The following PUM2 variants were observed in gnomAD, a reference collection of about 807,000 sequenced individuals.
PUM2 encodes pumilio homolog 2.
PUM2 carries 57 observed loss-of-function variants against 124.5 expected under a neutral mutation model. The observed-to-expected ratio is 0.46, with a 90% CI of 0.37 to 0.57. The LOEUF (loss-of-function observed/expected upper bound fraction) is 0.57. PUM2 is among the 20% of genes least tolerant of loss of function. The pLI is 0.00. For synonymous variants in PUM2, 460 were observed against 446.1 expected, an observed-to-expected ratio of 1.03 and a Z score of -0.39; for missense variants, 1,065 against 1,290.6, an observed-to-expected ratio of 0.83 and a Z score of 2.68.
chr2:20,351,054 G>T (rs987491805), upstream of PUM2, among the ~76,000 whole-genome samples: 3 of 152,156 alleles, frequency 2.0e-5, no homozygotes, highest in Non-Finnish European at 2.9e-5. Context: ...CACCTTGCGG[G>T]CTCGCGCTTC....
At chr2:20,330,852 T>C (rs1684758337) in intron 1 of PUM2, among the ~76,000 whole-genome samples, 1 of 152,186 alleles carries the variant, frequency 6.6e-6, no homozygotes, top group African/African-American at 2.4e-5. Flanking sequence ...GCCCTCAATC[T>C]GTGTGTGAGA....
chr2:20,271,800 A>G (rs984004296), intron 13 of PUM2, among the ~76,000 whole-genome samples: 3 of 152,230 alleles, frequency 2.0e-5, no homozygotes, highest in Admixed American at 2.0e-4. Context: ...TTTTATAAAA[A>G]GTTTACAAAG....
chr2:20,342,425 G>A (rs1345555191), intron 1 of PUM2, among the ~76,000 whole-genome samples: 1 of 151,128 alleles, frequency 6.6e-6, no homozygotes, highest in Non-Finnish European at 1.5e-5. Context: ...TCTGTTACTG[G>A]CTCCAAGAAA....
chr2:20,326,333 C>A (rs942552791), intron 2 of PUM2: 1 of 1,304,108 alleles, frequency 7.7e-7, no homozygotes, highest in Admixed American at 2.3e-5. Flanking sequence ...GGTTAGCTAG[C>A]TGCAGGGTGC....
intron 20 of PUM2, among the ~76,000 whole-genome samples, chr2:20,252,406 TGAAAGAAAAA>T (rs1197652631): frequency 6.6e-6 from 1 of 152,090 alleles, no homozygotes; most frequent in African/African-American, 2.4e-5. Flanking sequence ...GACCCTGTCT[TGAAAGAAAAA>T]GAAAGGAAAA....
intron 1 of PUM2, among the ~76,000 whole-genome samples, chr2:20,342,683 G>A (rs911845449): frequency 4.6e-5 from 7 of 152,144 alleles, no homozygotes; most frequent in African/African-American, 1.7e-4. Flanking sequence ...TATGACTTAT[G>A]AATAGTCTAA....
intron 10 of PUM2, among the ~76,000 whole-genome samples, chr2:20,286,424 A>G (rs1450167722): frequency 6.6e-6 from 1 of 152,242 alleles, no homozygotes. Flanking sequence ...TCTATTTATG[A>G]TAAAGATGGA....
chr2:20,335,937 A>G (rs1270197901), intron 1 of PUM2, among the ~76,000 whole-genome samples: 1 of 152,214 alleles, frequency 6.6e-6, no homozygotes, highest in African/African-American at 2.4e-5. Context: ...GGTCCTTACA[A>G]AAGTTTCTCC....
chr2:20,308,022 T>C lies in PUM2; in HGVS notation c.839A>G (p.Gln280Arg). 2 of 1,612,898 alleles carry C rather than the reference T, an allele frequency of 1.2e-6. No individual in the cohort carries two copies. The highest frequency in any genetic ancestry group is 1.7e-6 in the Non-Finnish European group (2 of 1,178,874). ...ALTVQQLTAA[Q>R]QQQYALAAAQ... ...TGCTGCTAATGCATATTGCTGCTGT[T>C]GAGCTGCAGTTAACTGTTGAACTGT... The change falls in exon 7 of 21, where the codon CAA becomes CGA. Residue 280 changes from glutamine to arginine, a missense_variant. Physicochemically the swap from Gln to Arg is conservative, Grantham distance 43. Coordinates refer to ENST00000361078, the MANE Select transcript of PUM2 (RefSeq NM_015317.5).
In PUM2 at chr2:20,263,443, T is replaced by G; in HGVS notation, c.1975A>C (p.Ser659Arg). The G allele has an allele frequency of 6.2e-7, 1 of 1,611,494 alleles. No individual in the cohort carries two copies. The highest frequency in any genetic ancestry group is 8.5e-7 in the Non-Finnish European group (1 of 1,177,694). ...GGTGCTGCAGAGATATATCGACCAC[T>G]ACCATTTGTCAGTCCTCCTACAACA... ...SLHLGGLTNG[S>R]GRYISAAPGA... Residue 659 changes from serine (S) to arginine (R), a missense_variant, in exon 14 of 21, where the codon AGT becomes CGT. By Grantham distance (110) the Ser-to-Arg change is moderately radical. This residue lies in a region of PUM2 where 968 missense variants were observed against 1,159.8 expected (regional missense o/e 0.83). Transcript: ENST00000361078.
At chr2:20,278,489 C>T (rs1415915972) in intron 13 of PUM2, 94 bp downstream of exon 13, 1 of 1,093,238 alleles carries the variant, frequency 9.1e-7, no homozygotes, top group Non-Finnish European at 1.3e-6. Context: ...CATGTTTTAA[C>T]CAACATTAAA....
At chr2:20,294,174 G>T (rs1170911758) in intron 9 of PUM2, among the ~76,000 whole-genome samples, 4 of 152,098 alleles carry the variant, frequency 2.6e-5, no homozygotes. Context: ...CACAGAAACT[G>T]AATATAACCA....
chr2:20,340,328 A>G (rs183162261), intron 1 of PUM2, among the ~76,000 whole-genome samples: 1 of 152,388 alleles, frequency 6.6e-6, no homozygotes, highest in African/African-American at 2.4e-5. Flanking sequence ...CTTTGGTGCC[A>G]AAGTTTAACT....
chr2:20,251,779 G>A (rs986179946), intron 20 of PUM2, 63 bp from the exon 21 acceptor site: 9 of 1,558,828 alleles, frequency 5.8e-6, no homozygotes, highest in African/African-American at 1.4e-5. Context: ...TCTTAAAAAA[G>A]CACCCCCAAT....
intron 2 of PUM2, among the ~76,000 whole-genome samples, chr2:20,320,803 A>C (rs1374353247): frequency 6.6e-6 from 1 of 152,174 alleles, no homozygotes; most frequent in Admixed American, 6.5e-5. Context: ...ATGAATACTA[A>C]AGCATACTTG....
intron 16 of PUM2, among the ~76,000 whole-genome samples, chr2:20,257,854 T>G (rs886678668): frequency 1.3e-5 from 2 of 152,196 alleles, no homozygotes; most frequent in Non-Finnish European, 2.9e-5. Flanking sequence ...CATTTTCATA[T>G]ATGTAAATAA....
At chr2:20,326,785 C>T (rs2148855459) in intron 2 of PUM2, among the ~76,000 whole-genome samples, 1 of 152,180 alleles carries the variant, frequency 6.6e-6, no homozygotes, top group Admixed American at 6.5e-5. Flanking sequence ...AACTAACCAG[C>T]AATATAATAA....
intron 3 of PUM2, among the ~76,000 whole-genome samples, 178 bp downstream of exon 3, chr2:20,318,359 T>TG (rs371002615): frequency 6.6e-6 from 1 of 152,192 alleles, no homozygotes; most frequent in African/African-American, 2.4e-5. Context: ...CCCAGCACTT[T>TG]GGGAGGCCAA....
rs749741584 is a variant in PUM2 at position 20,251,704 on chromosome 2, T to C, written c.3076A>G (p.Ile1026Val). The C allele has an allele frequency of 1.2e-6, 2 of 1,612,716 alleles. No homozygotes were observed. The highest frequency in any genetic ancestry group is 1.7e-6 in the Non-Finnish European group (2 of 1,179,400). ...TATGTGTATTTGCGCAAAGTAGTAA[T>C]GTGAGGTCGAATCTGAAAAACAAAT... ...KIIMHKIRPH[I>V]TTLRKYTYGK... The change falls in exon 21 of 21, where the codon ATT (isoleucine) becomes GTT (valine). Residue 1026 changes from isoleucine to valine, a missense_variant. Around this residue, in one of 3 missense-constraint regions of PUM2, gnomAD observed 968 missense variants for 1,159.8 expected, o/e 0.83. Coordinates refer to ENST00000361078, the MANE Select transcript of PUM2 (RefSeq NM_015317.5).
Sources: allele counts gnomAD v4.1 joint callset (sites outside exome capture counted in the v4.1 genomes callset), GRCh38; gene constraint gnomAD v4.1.1; regional missense constraint gnomAD v4.1.1; transcripts MANE v1.5; gene names NCBI Gene and HGNC (gene_info 2026-07-23, HGNC 2026-07-21).